The following ARMC8 variants were observed in gnomAD, a reference collection of about 807,000 sequenced individuals.
ARMC8 encodes the protein armadillo repeat containing 8, also known as armadillo repeat-containing protein 8.
A neutral mutation model predicts 99.3 loss-of-function variants in ARMC8; 20 were observed. The observed-to-expected ratio is 0.20, with a 90% CI of 0.14 to 0.29. The LOEUF (loss-of-function observed/expected upper bound fraction) is 0.29. Among genes scored for constraint, ARMC8 ranks in the 10% least tolerant of loss-of-function variants. ARMC8 has a pLI of 1.00. For synonymous variants in ARMC8, 263 were observed against 278.3 expected (o/e 0.95, Z 0.55); for missense variants, 569 against 809.5 (o/e 0.70, Z 3.60).
At chr3:138,274,232 CAT>C (rs368854939) in intron 17 of ARMC8, among the ~76,000 whole-genome samples, 5,489 of 145,382 alleles carry the variant, frequency 0.038, 328 homozygotes, top group African/African-American at 0.14. Flanking sequence ...TGTGTATATA[CAT>C]GTGTGTGTGT....
intron 1 of ARMC8, among the ~76,000 whole-genome samples, chr3:138,205,070 T>C (rs1449259346): frequency 1.5e-5 from 2 of 134,680 alleles, no homozygotes; most frequent in Non-Finnish European, 3.2e-5. Context: ...CTTTTTTTTT[T>C]TTTTTTTTTT....
intron 1 of ARMC8, among the ~76,000 whole-genome samples, chr3:138,199,211 A>G (rs558600068): frequency 1.3e-5 from 2 of 152,354 alleles, no homozygotes; most frequent in Admixed American, 1.3e-4. Context: ...TTGCAAAAAT[A>G]GTACACAAGG....
intron 1 of ARMC8, among the ~76,000 whole-genome samples, chr3:138,191,436 TACAC>T (rs1300594994): frequency 6.6e-6 from 1 of 152,244 alleles, no homozygotes; most frequent in African/African-American, 2.4e-5. Context: ...GGTCCCTGTG[TACAC>T]TTCACCCAGT....
chr3:138,270,327 G>A (rs1056969951), intron 16 of ARMC8, among the ~76,000 whole-genome samples, 195 bp downstream of exon 16: 1 of 152,166 alleles, frequency 6.6e-6, no homozygotes. Context: ...AGCAAGTTAT[G>A]CCTCCGTTCT....
chr3:138,189,432 T>C lies in ARMC8; in HGVS notation c.45+1833T>C, dbSNP rs115961103. Among the ~76,000 whole-genome samples the C allele has an allele frequency of 7.7e-3, 1,176 of 152,344 alleles. 16 individuals carry two copies. Among genetic ancestry groups the C allele is most frequent in the African/African-American group, 0.027 (1,137 of 41,588 alleles). On this transcript the variant is annotated intron_variant, in intron 1 of 21. Coordinates refer to ENST00000469044, the MANE Select transcript of ARMC8 (RefSeq NM_001363941.2). Reference sequence around the variant, plus strand: ...GATTTTACTAATTTAAAGTGAAACCTGTACCTTTCAAAGTACTACCCAGAG... The same window carrying C: ...GATTTTACTAATTTAAAGTGAAACCCGTACCTTTCAAAGTACTACCCAGAG...
chr3:138,296,234 G>T lies in ARMC8; in HGVS notation c.*342G>T. On this transcript the variant is annotated 3_prime_UTR_variant, in exon 22 of 22. Coordinates refer to ENST00000469044, the MANE Select transcript of ARMC8 (RefSeq NM_001363941.2). ...TGAATATGTCTGTGTGAACACACAG[G>T]CATGCGTGTGTATGTGCACGTACAT... 1 of 223,154 alleles carries T rather than the reference G, an allele frequency of 4.5e-6. No homozygotes were observed. The highest frequency in any genetic ancestry group is 8.9e-6 in the Non-Finnish European group (1 of 112,670). The allele number at this position is 223,154 out of a possible 1,614,324, so 13.8% of individuals were successfully genotyped here.
intron 1 of ARMC8, among the ~76,000 whole-genome samples, chr3:138,201,294 A>T (rs1472685018): frequency 1.3e-5 from 2 of 151,418 alleles, no homozygotes; most frequent in African/African-American, 2.4e-5. Context: ...TAAAAAATAC[A>T]CTTCAGCATT....
At chr3:138,260,043 G>A (rs1049077311) in intron 12 of ARMC8, among the ~76,000 whole-genome samples, 2 of 152,132 alleles carry the variant, frequency 1.3e-5, no homozygotes, top group African/African-American at 4.8e-5. Flanking sequence ...TGTGAGTTTG[G>A]TAGAAGCAAG....
intron 2 of ARMC8, among the ~76,000 whole-genome samples, chr3:138,213,565 C>T (rs749408675): frequency 3.3e-5 from 5 of 152,026 alleles, no homozygotes; most frequent in African/African-American, 7.3e-5. Flanking sequence ...GGTCATAAAG[C>T]GTAGCCTTCG....
chr3:138,275,762 G>A (rs1466503825), intron 18 of ARMC8, among the ~76,000 whole-genome samples: 1 of 152,110 alleles, frequency 6.6e-6, no homozygotes, highest in Non-Finnish European at 1.5e-5. Context: ...CTTAGGAGCT[G>A]CAATTGAATT....
At position 138,203,547 on chromosome 3, in the gene ARMC8, A is replaced by G. The variant is rs181367444; in HGVS notation, c.46-6270A>G. On this transcript the variant is annotated intron_variant, in intron 1 of 21. Transcript: ENST00000469044. ...CCACGGGGCAGCTCCACAGCCTGACAACTAGTTTCTGTTAGAGAAAAAGGG... is the reference window on the plus strand; with the variant it reads ...CCACGGGGCAGCTCCACAGCCTGACGACTAGTTTCTGTTAGAGAAAAAGGG... Among the ~76,000 whole-genome samples, 524 of 152,320 alleles carry G rather than the reference A, an allele frequency of 3.4e-3. 2 individuals carry two copies. Among genetic ancestry groups the G allele is most frequent in the African/African-American group, 0.012 (494 of 41,558 alleles).
In ARMC8 at chr3:138,267,257, C is replaced by T. The variant is rs1560017332; in HGVS notation, c.1386+16C>T. ...AAGCAAAGAGGTTAGTATTGATTTTCTTTTCCTAGACTTTGCCCAGTCCAG... is the reference window on the plus strand; with the variant it reads ...AAGCAAAGAGGTTAGTATTGATTTTTTTTTCCTAGACTTTGCCCAGTCCAG... On this transcript the variant is annotated intron_variant, in intron 15 of 21. Transcript: ENST00000469044. 2 of 1,488,392 alleles carry T rather than the reference C, an allele frequency of 1.3e-6. No homozygotes were observed. The highest frequency in any genetic ancestry group is 9.1e-7 in the Non-Finnish European group (1 of 1,093,562). The allele number at this position is 1,488,392 out of a possible 1,614,324, so 92.2% of individuals were successfully genotyped here.
At chr3:138,238,149 C>T (rs974763221) in intron 9 of ARMC8, 1 of 151,548 alleles carries the variant, frequency 6.6e-6, no homozygotes, top group Non-Finnish European at 1.5e-5. Flanking sequence ...CTCACTGCAA[C>T]CTCCGCCTCC....
intron 21 of ARMC8, among the ~76,000 whole-genome samples, chr3:138,291,641 G>A (rs1456921199): frequency 6.6e-6 from 1 of 152,182 alleles, no homozygotes; most frequent in Non-Finnish European, 1.5e-5. Flanking sequence ...GCAAGGTGAA[G>A]GAATGGAGAA....
At chr3:138,213,016 A>T (rs992123422) in intron 2 of ARMC8, among the ~76,000 whole-genome samples, 2 of 152,204 alleles carry the variant, frequency 1.3e-5, no homozygotes, top group Non-Finnish European at 2.9e-5. Context: ...ATGTGTAGTT[A>T]ACAGTTGCTT....
intron 5 of ARMC8, among the ~76,000 whole-genome samples, chr3:138,226,536 C>CT (rs1212181074): frequency 1.3e-5 from 2 of 152,196 alleles, no homozygotes; most frequent in Non-Finnish European, 2.9e-5. Flanking sequence ...AAAGTACTTT[C>CT]TTTGAGAACT....
intron 12 of ARMC8, among the ~76,000 whole-genome samples, chr3:138,247,147 A>C (rs186871266): frequency 2.1e-3 from 315 of 152,248 alleles, no homozygotes; most frequent in Non-Finnish European, 3.2e-3. Flanking sequence ...TTTTCTTTTG[A>C]GTGCATTTCT....
intron 1 of ARMC8, chr3:138,188,282 A>T: frequency 1.2e-6 from 1 of 849,598 alleles, no homozygotes; most frequent in East Asian, 3.0e-5. Context: ...TTTTTCTTTA[A>T]GGGGAGTCAA....
intron 21 of ARMC8, 111 bp from the exon 22 acceptor site, chr3:138,295,748 C>T: frequency 7.9e-7 from 1 of 1,260,476 alleles, no homozygotes; most frequent in Non-Finnish European, 1.1e-6. Flanking sequence ...CCCCAATTCC[C>T]TCTGGAGATT....
Sources: allele counts gnomAD v4.1 joint callset (sites outside exome capture counted in the v4.1 genomes callset), GRCh38; gene constraint gnomAD v4.1.1; transcripts MANE v1.5; gene names NCBI Gene and HGNC (gene_info 2026-07-23, HGNC 2026-07-21).